The following DDX42 variants were observed in gnomAD, a reference collection of about 807,000 sequenced individuals.
DDX42 encodes the protein DEAD-box helicase 42.
Under a neutral mutation model 101.5 loss-of-function variants are expected in DDX42, and 22 were observed. The ratio of observed to expected loss-of-function variants is 0.22; its 90% CI spans 0.15 to 0.31. DDX42 has a LOEUF of 0.31. DDX42 is among the 10% of genes least tolerant of loss of function. The pLI, the probability that DDX42 is intolerant of heterozygous loss-of-function variation, is 1.00. For synonymous variants in DDX42, 402 were observed against 401.2 expected, an observed-to-expected ratio of 1.00 and a Z score of -0.02; for missense variants, 849 against 1,199.9, an observed-to-expected ratio of 0.71 and a Z score of 4.32.
intron 1 of DDX42, among the ~76,000 whole-genome samples, chr17:63,779,142 TC>T (rs1295441281): frequency 6.6e-6 from 1 of 152,250 alleles, no homozygotes; most frequent in African/African-American, 2.4e-5. Flanking sequence ...ATTAGGTATT[TC>T]AAAAGGGTTC....
chr17:63,817,029 G>C, intron 17 of DDX42, 63 bp downstream of exon 17: 1 of 1,450,826 alleles, frequency 6.9e-7, no homozygotes, highest in Non-Finnish European at 9.5e-7. Flanking sequence ...TGACAGAGGG[G>C]CTTAGTTTTC....
chr17:63,781,792 C>T (rs1370945132), intron 1 of DDX42, among the ~76,000 whole-genome samples: 1 of 151,900 alleles, frequency 6.6e-6, no homozygotes, highest in Non-Finnish European at 1.5e-5. Context: ...AGGTGGATCA[C>T]GAGGCCAGGA....
At chr17:63,788,326 T>C (rs2039575272) in intron 2 of DDX42, among the ~76,000 whole-genome samples, 2 of 150,414 alleles carry the variant, frequency 1.3e-5, no homozygotes, top group Admixed American at 6.6e-5. Context: ...TTTTTTTTTT[T>C]TTGAGATGGA....
intron 3 of DDX42, among the ~76,000 whole-genome samples, chr17:63,792,969 A>G (rs1308386743): frequency 2.0e-4 from 31 of 152,158 alleles, no homozygotes; most frequent in East Asian, 1.9e-4. Context: ...TTCTTCATCA[A>G]CATTCATGAC....
At chr17:63,795,213 AAG>A (rs1164119566) in intron 3 of DDX42, among the ~76,000 whole-genome samples, 1 of 152,226 alleles carries the variant, frequency 6.6e-6, no homozygotes, top group Admixed American at 6.5e-5. Flanking sequence ...GTGTGGCAGA[AAG>A]AGGCTATTGC....
At chr17:63,814,675 CTT>C (rs58211962) in intron 15 of DDX42, among the ~76,000 whole-genome samples, 343 of 90,430 alleles carry the variant, frequency 3.8e-3, no homozygotes, top group Admixed American at 5.0e-3. Flanking sequence ...GAGACATTTG[CTT>C]TTTTTTTTTT....
At chr17:63,790,215 A>G (rs1012603890) in intron 2 of DDX42, among the ~76,000 whole-genome samples, 3 of 152,212 alleles carry the variant, frequency 2.0e-5, no homozygotes, top group Non-Finnish European at 2.9e-5. Flanking sequence ...ATGTGTATAT[A>G]TGTATGCTAT....
chr17:63,796,004 G>A (rs2039688411), intron 3 of DDX42, among the ~76,000 whole-genome samples: 1 of 152,192 alleles, frequency 6.6e-6, no homozygotes, highest in Non-Finnish European at 1.5e-5. Flanking sequence ...TTGCAGCATA[G>A]TAGGTATTTA....
At chr17:63,808,448 A>G (rs1366834429) in intron 9 of DDX42, among the ~76,000 whole-genome samples, 1 of 152,168 alleles carries the variant, frequency 6.6e-6, no homozygotes, top group Non-Finnish European at 1.5e-5. Context: ...TGCTGGGATT[A>G]CAGGTGTGAG....
At position 63,805,097 on chromosome 17, in the gene DDX42, CTT is replaced by C; in HGVS notation, c.651_652del (p.Phe217LeufsTer3). ...TTGACTATCCACCATTTGAAAAAAACTTTTACAATGAGCATGAAGAGATAACC... is the reference window on the plus strand; with the variant it reads ...TTGACTATCCACCATTTGAAAAAAACTTACAATGAGCATGAAGAGATAACC... ...EIDYPPFEKN[F>X]YNEHEEITNL... On this transcript the variant is annotated frameshift_variant, in exon 7 of 18. Transcript: ENST00000389924. LOFTEE classifies it high-confidence loss of function. The C allele has an allele frequency of 6.2e-7, 1 of 1,610,728 alleles. No homozygotes were observed. Among genetic ancestry groups the C allele is most frequent in the Non-Finnish European group, 8.5e-7 (1 of 1,179,300 alleles).
chr17:63,812,782 T>C (rs1209578440), intron 14 of DDX42, among the ~76,000 whole-genome samples: 1 of 152,120 alleles, frequency 6.6e-6, no homozygotes, highest in Admixed American at 6.5e-5. Flanking sequence ...CCCAGCATTT[T>C]GGGAGGTGGA....
At chr17:63,777,641 G>T (rs1598319047) in intron 1 of DDX42, among the ~76,000 whole-genome samples, 1 of 151,684 alleles carries the variant, frequency 6.6e-6, no homozygotes. Flanking sequence ...ATAGAGATGG[G>T]GTTTCAGCAT....
intron 1 of DDX42, 82 bp from the exon 2 acceptor site, chr17:63,786,952 A>G (rs2039554442): frequency 9.2e-6 from 13 of 1,405,642 alleles, no homozygotes. Context: ...CTGGGATTAC[A>G]GGCGTGACCC....
At chr17:63,807,629 A>C in intron 8 of DDX42, 95 bp from the exon 9 acceptor site, 1 of 1,205,106 alleles carries the variant, frequency 8.3e-7, no homozygotes, top group Non-Finnish European at 1.2e-6. Flanking sequence ...ATTGCAAATA[A>C]AAATGTTAGT....
intron 3 of DDX42, among the ~76,000 whole-genome samples, chr17:63,794,089 T>C (rs143837870): frequency 2.5e-4 from 38 of 152,260 alleles, no homozygotes; most frequent in African/African-American, 8.9e-4. Flanking sequence ...CCCTTGCATT[T>C]GTTCTTTCCT....
chr17:63,800,635 G>T lies in DDX42; in HGVS notation c.621+18G>T. 6.2e-7 allele frequency: 1 copy of T among 1,609,288 alleles called. No homozygotes were observed. On this transcript the variant is annotated intron_variant, in intron 6 of 17. Coordinates refer to ENST00000389924, the MANE Select transcript of DDX42 (RefSeq NM_203499.3). Reference sequence around the variant, plus strand: ...ATTCAGAGGTATGGTGTTTCTTGCTGAATTTTACTCTTGTTTCAAGCTGAT... The same window carrying T: ...ATTCAGAGGTATGGTGTTTCTTGCTTAATTTTACTCTTGTTTCAAGCTGAT...
At chr17:63,817,572 C>T (rs1262414316) in intron 17 of DDX42, 122 bp from the exon 18 acceptor site, 7 of 923,658 alleles carry the variant, frequency 7.6e-6, no homozygotes, top group Admixed American at 5.3e-5. Context: ...GCCATCAGGA[C>T]ACTAAACTCA....
chr17:63,792,662 TTA>T, intron 3 of DDX42, 100 bp downstream of exon 3: 9 of 1,356,216 alleles, frequency 6.6e-6, no homozygotes, highest in Non-Finnish European at 7.8e-6. Context: ...TCTAGTCTTA[TTA>T]TTTTTTTTTT....
intron 3 of DDX42, 28 bp from the exon 4 acceptor site, chr17:63,798,010 C>A: frequency 1.3e-6 from 2 of 1,584,000 alleles, no homozygotes; most frequent in South Asian, 2.3e-5. Context: ...TAGTTGATGT[C>A]ATTCTATACA....
Sources: gnomAD v4.1 joint callset for allele counts (sites outside exome capture counted in the v4.1 genomes callset) on GRCh38, gnomAD v4.1.1 for gene constraint, MANE v1.5 for transcripts, NCBI Gene and HGNC (gene_info 2026-07-23, HGNC 2026-07-21) for gene names.